NCAPG2: variants seen among roughly 807,000 people sequenced by gnomAD.
NCAPG2 encodes non-SMC condensin II complex subunit G2.
A neutral mutation model predicts 141.1 loss-of-function variants in NCAPG2; 53 were observed. That is an observed-to-expected ratio of 0.38 (90% CI 0.30 to 0.47). The LOEUF is 0.47. NCAPG2 is among the 20% of genes least tolerant of loss of function. The pLI, the probability that NCAPG2 is intolerant of heterozygous loss-of-function variation, is 0.99. For synonymous variants in NCAPG2, 499 were observed against 490.7 expected, an observed-to-expected ratio of 1.02 and a Z score of -0.22; for missense variants, 1,087 against 1,389.0, an observed-to-expected ratio of 0.78 and a Z score of 3.46.
At chr7:158,666,441 C>G (rs1470009310) in intron 13 of NCAPG2, among the ~76,000 whole-genome samples, 1 of 152,024 alleles carries the variant, frequency 6.6e-6, no homozygotes, top group African/African-American at 2.4e-5. Flanking sequence ...AGTGCCTGAG[C>G]CACTATTTAC....
At chr7:158,698,440 T>C (rs1372174842) in intron 2 of NCAPG2, among the ~76,000 whole-genome samples, 1 of 152,248 alleles carries the variant, frequency 6.6e-6, no homozygotes, top group Non-Finnish European at 1.5e-5. Context: ...TGTTTTATAC[T>C]GTATTTTTAC....
At chr7:158,687,235 A>G (rs959224041) in intron 7 of NCAPG2, 113 bp downstream of exon 7, 10 of 625,862 alleles carry the variant, frequency 1.6e-5, no homozygotes, top group Non-Finnish European at 2.4e-5. Flanking sequence ...CATAATAAAT[A>G]ACGTATTTCT....
Position 158,645,588 on chromosome 7 carries a change from C to A in NCAPG2, c.3211G>T (p.Ala1071Ser), listed in dbSNP as rs376857513. ...ACAATGCCTTCAATATCATTAGAAG[C>A]CACACATGCCTTTAATTCATCCAAA... ...SFLDELKACV[A>S]SNDIEGIVCL... Residue 1071 changes from alanine to serine, a missense_variant, in exon 26 of 28, where the codon GCT (alanine) becomes TCT (serine). Coordinates refer to ENST00000356309, the MANE Select transcript of NCAPG2 (RefSeq NM_017760.7). The A allele has an allele frequency of 1.9e-6, 3 of 1,614,032 alleles. No individual in the cohort carries two copies. Among genetic ancestry groups the A allele is most frequent in the East Asian group, 2.2e-5 (1 of 44,900 alleles).
intron 15 of NCAPG2, among the ~76,000 whole-genome samples, chr7:158,662,941 T>G (rs564708487): frequency 6.6e-6 from 1 of 152,346 alleles, no homozygotes; most frequent in South Asian, 2.1e-4. Flanking sequence ...TTAAAATAAA[T>G]AGACCTACTT....
At chr7:158,700,403 T>C (rs1015347263) in intron 2 of NCAPG2, among the ~76,000 whole-genome samples, 2 of 152,242 alleles carry the variant, frequency 1.3e-5, no homozygotes, top group Non-Finnish European at 1.5e-5. Flanking sequence ...CAGTGTGATT[T>C]TGAGTTGCTA....
At chr7:158,666,903 T>C (rs1437459016) in intron 13 of NCAPG2, among the ~76,000 whole-genome samples, 1 of 152,116 alleles carries the variant, frequency 6.6e-6, no homozygotes, top group East Asian at 1.9e-4. Flanking sequence ...TAACTCTCAA[T>C]CCTTCTAGAG....
At chr7:158,667,428 TCCGC>T (rs1229089241) in intron 13 of NCAPG2, among the ~76,000 whole-genome samples, 1 of 97,316 alleles carries the variant, frequency 1.0e-5, no homozygotes. Context: ...ACTGGGTCCC[TCCGC>T]CCTCCTTACC....
At chr7:158,666,153 G>C (rs1186460244) in intron 13 of NCAPG2, among the ~76,000 whole-genome samples, 1 of 152,116 alleles carries the variant, frequency 6.6e-6, no homozygotes, top group Non-Finnish European at 1.5e-5. Flanking sequence ...CTTACCTAAG[G>C]GTGAGAGGCT....
chr7:158,641,192 A>ATTT, intron 27 of NCAPG2: 2 of 282,776 alleles, frequency 7.1e-6, no homozygotes, highest in Non-Finnish European at 1.3e-5. Flanking sequence ...AGTTAAAACC[A>ATTT]CAAAAGACAG....
intron 16 of NCAPG2, among the ~76,000 whole-genome samples, 174 bp from the exon 17 acceptor site, chr7:158,658,582 G>T (rs1207578146): frequency 2.0e-5 from 3 of 152,180 alleles, no homozygotes; most frequent in Non-Finnish European, 4.4e-5. Flanking sequence ...GAGGGGCAGA[G>T]AAAATTACTT....
At chr7:158,678,543 C>T (rs1033505779) in intron 11 of NCAPG2, among the ~76,000 whole-genome samples, 2 of 152,000 alleles carry the variant, frequency 1.3e-5, no homozygotes, top group African/African-American at 2.4e-5. Context: ...CTCGCTCTAT[C>T]GCCCAGGCTG....
intron 27 of NCAPG2, among the ~76,000 whole-genome samples, chr7:158,636,999 A>C (rs11978127): frequency 1.3e-5 from 2 of 151,176 alleles, no homozygotes; most frequent in Admixed American, 6.6e-5. Context: ...CCAGGCTGGA[A>C]TGCAGTGGTG....
intron 6 of NCAPG2, among the ~76,000 whole-genome samples, chr7:158,688,304 A>G (rs1360216725): frequency 2.0e-5 from 3 of 152,236 alleles, no homozygotes; most frequent in Non-Finnish European, 4.4e-5. Context: ...CTACATTTAG[A>G]TATCTTAAAT....
rs1439225759 is a variant in NCAPG2 at position 158,633,106 on chromosome 7, G to A, written c.3381-1389C>T. On this transcript the variant is annotated intron_variant, in intron 27 of 27. Transcript: ENST00000356309. This position sits in a 1 kb window ranked among gnomAD's most constrained non-coding sequence, Gnocchi z 4.1. Reference sequence around the variant, plus strand: ...ATCCAGAATGTAGTGAAAGAAAAAAGGGAATCTGCATATATTTCTTTAAGC... The same window carrying A: ...ATCCAGAATGTAGTGAAAGAAAAAAAGGAATCTGCATATATTTCTTTAAGC... Among the ~76,000 whole-genome samples, 3 of 152,118 alleles carry A rather than the reference G, an allele frequency of 2.0e-5. No individual in the cohort carries two copies. The highest frequency in any genetic ancestry group is 4.4e-5 in the Non-Finnish European group (3 of 68,020).
chr7:158,646,063 A>G (rs565493703), intron 25 of NCAPG2, among the ~76,000 whole-genome samples: 26 of 152,342 alleles, frequency 1.7e-4, no homozygotes, highest in South Asian at 8.3e-4. Flanking sequence ...ATCAAGTGAC[A>G]TATGGACTGG....
chr7:158,643,601 C>A (rs1220124446), intron 27 of NCAPG2, among the ~76,000 whole-genome samples: 1 of 152,220 alleles, frequency 6.6e-6, no homozygotes, highest in Non-Finnish European at 1.5e-5. Context: ...ATTTGGAAAA[C>A]CTTTCTCCAG....
At chr7:158,655,918 G>A (rs1831938213) in intron 19 of NCAPG2, among the ~76,000 whole-genome samples, 1 of 152,222 alleles carries the variant, frequency 6.6e-6, no homozygotes, top group Non-Finnish European at 1.5e-5. Flanking sequence ...AGAAAAAACT[G>A]CCAAGGACTG....
At chr7:158,698,021 T>C (rs1436177152) in intron 2 of NCAPG2, among the ~76,000 whole-genome samples, 1 of 152,204 alleles carries the variant, frequency 6.6e-6, no homozygotes, top group Non-Finnish European at 1.5e-5. Context: ...CTAGGCTTAA[T>C]ACCTCAGTGA....
At chr7:158,670,628 A>G (rs1003818138) in intron 13 of NCAPG2, among the ~76,000 whole-genome samples, 2 of 152,210 alleles carry the variant, frequency 1.3e-5, no homozygotes, top group African/African-American at 4.8e-5. Flanking sequence ...ATATCTGAGC[A>G]ATATTTACTT....
Sources: allele counts gnomAD v4.1 joint callset (sites outside exome capture counted in the v4.1 genomes callset), GRCh38; gene constraint gnomAD v4.1.1; non-coding constraint Gnocchi (gnomAD v3.1); transcripts MANE v1.5; gene names NCBI Gene and HGNC (gene_info 2026-07-23, HGNC 2026-07-21).